The following DLG2 variants were observed in gnomAD, a reference collection of about 807,000 sequenced individuals.
DLG2 encodes the protein discs large MAGUK scaffold protein 2.
DLG2 carries 45 observed loss-of-function variants against 132.5 expected under a neutral mutation model. That is an observed-to-expected ratio of 0.34 (90% CI 0.27 to 0.44). The LOEUF is 0.44. DLG2 is among the 20% of genes least tolerant of loss of function. The pLI, the probability that DLG2 is intolerant of heterozygous loss-of-function variation, is 1.00. For missense variants in DLG2, 1,045 were observed against 1,196.9 expected (o/e 0.87, Z 1.87); for synonymous variants, 424 against 419.6 (o/e 1.01, Z -0.13).
intron 6 of DLG2, among the ~76,000 whole-genome samples, chr11:84,646,105 G>C (rs1389442478): frequency 6.6e-6 from 1 of 152,072 alleles, no homozygotes; most frequent in Non-Finnish European, 1.5e-5. Context: ...CAAAGCTGTG[G>C]GCTCTTAAAA....
intron 3 of DLG2, among the ~76,000 whole-genome samples, chr11:85,572,908 G>A (rs2077927858): frequency 6.6e-6 from 1 of 152,174 alleles, no homozygotes; most frequent in South Asian, 2.1e-4. Context: ...TTGGAGGTAG[G>A]GACTGATGGA....
At chr11:85,322,908 A>G (rs1399644857) in intron 3 of DLG2, among the ~76,000 whole-genome samples, 1 of 152,212 alleles carries the variant, frequency 6.6e-6, no homozygotes, top group African/African-American at 2.4e-5. Context: ...AGAGCCTATG[A>G]TTCCTGTTTC....
At chr11:85,383,713 A>T (rs1480511677) in intron 3 of DLG2, among the ~76,000 whole-genome samples, 1 of 152,182 alleles carries the variant, frequency 6.6e-6, no homozygotes, top group African/African-American at 2.4e-5. Context: ...GATTTTCAGA[A>T]AAAGAATACT....
At chr11:85,482,607 C>G (rs1229619783) in intron 3 of DLG2, among the ~76,000 whole-genome samples, 1 of 152,168 alleles carries the variant, frequency 6.6e-6, no homozygotes, top group Non-Finnish European at 1.5e-5. Context: ...TAAGGCAATA[C>G]CAGCAGGCAC....
intron 15 of DLG2, among the ~76,000 whole-genome samples, chr11:83,923,764 T>G (rs12797749): frequency 0.1 from 15,656 of 152,100 alleles, 874 homozygotes; most frequent in Non-Finnish European, 0.12. Context: ...ATTTCAACCC[T>G]GCTCTATAAT....
intron 15 of DLG2, among the ~76,000 whole-genome samples, chr11:83,901,942 A>G (rs1409421665): frequency 1.3e-5 from 2 of 152,196 alleles, no homozygotes; most frequent in Admixed American, 6.5e-5. Context: ...TGGAAGATAT[A>G]GTAGGTACTC....
At chr11:83,545,811 TC>T (rs2096225884) in intron 19 of DLG2, among the ~76,000 whole-genome samples, 2 of 152,096 alleles carry the variant, frequency 1.3e-5, no homozygotes, top group Non-Finnish European at 2.9e-5. Flanking sequence ...TTCAGACTTG[TC>T]AGGTCCCTAA....
At chr11:84,414,745 T>C (rs950727247) in intron 7 of DLG2, among the ~76,000 whole-genome samples, 5 of 152,232 alleles carry the variant, frequency 3.3e-5, no homozygotes, top group Non-Finnish European at 5.9e-5. Context: ...CTCAGGATGC[T>C]GCTGCAAAGT....
chr11:83,458,181 C>T lies in DLG2; in HGVS notation c.*1637G>A, dbSNP rs2089294340. On this transcript the variant is annotated 3_prime_UTR_variant, in exon 28 of 28. Coordinates refer to ENST00000376104, the MANE Select transcript of DLG2 (RefSeq NM_001142699.3). Reference sequence around the variant, plus strand: ...GGCTTAGTCTGGGCATGCACAGAACCCAGAGTAGAGTGGTTATTATCACTG... The same window carrying T: ...GGCTTAGTCTGGGCATGCACAGAACTCAGAGTAGAGTGGTTATTATCACTG... 6.6e-6 allele frequency: 1 copy of T among 152,502 alleles called. No individual in the cohort carries two copies. The highest frequency in any genetic ancestry group is 1.5e-5 in the Non-Finnish European group (1 of 68,028). 9.4% of individuals were successfully genotyped at this position (152,502 alleles called of 1,614,324 possible). A position where few individuals can be genotyped will look rare whatever the true frequency, so the allele number is the denominator to read the frequency against.
At chr11:85,480,737 T>C (rs1166331017) in intron 3 of DLG2, among the ~76,000 whole-genome samples, 1 of 152,168 alleles carries the variant, frequency 6.6e-6, no homozygotes, top group Non-Finnish European at 1.5e-5. Context: ...AAAAAACAAG[T>C]GAACTGTAAA....
At chr11:84,054,767 C>T (rs1023294405) in intron 11 of DLG2, among the ~76,000 whole-genome samples, 3 of 151,962 alleles carry the variant, frequency 2.0e-5, no homozygotes, top group Admixed American at 1.3e-4. Flanking sequence ...ATTTAATTTG[C>T]CACAAATCAC....
chr11:84,046,168 A>C (rs2096239120), intron 11 of DLG2, among the ~76,000 whole-genome samples: 1 of 151,612 alleles, frequency 6.6e-6, no homozygotes, highest in South Asian at 2.1e-4. Context: ...CTTTGAGGGC[A>C]CACCATGTTT....
intron 21 of DLG2, among the ~76,000 whole-genome samples, chr11:83,531,313 T>A (rs920928494): frequency 1.3e-5 from 2 of 151,860 alleles, no homozygotes; most frequent in Non-Finnish European, 2.9e-5. Flanking sequence ...AACTCAACAA[T>A]AACAAGACAA....
chr11:83,567,624 C>T (rs1431949323), intron 19 of DLG2, among the ~76,000 whole-genome samples: 1 of 152,072 alleles, frequency 6.6e-6, no homozygotes, highest in Admixed American at 6.6e-5. Flanking sequence ...GCAACTAGTG[C>T]TAAAGGCGTA....
chr11:85,166,984 G>A (rs986995148), intron 4 of DLG2, among the ~76,000 whole-genome samples: 3 of 151,872 alleles, frequency 2.0e-5, no homozygotes, highest in Non-Finnish European at 4.4e-5. Flanking sequence ...GTACTCAGTG[G>A]TTTAACTGTT....
intron 10 of DLG2, among the ~76,000 whole-genome samples, chr11:84,097,395 C>T (rs1179833867): frequency 3.3e-5 from 5 of 152,152 alleles, no homozygotes; most frequent in Admixed American, 3.3e-4. Context: ...CCTGCCAAGT[C>T]CCTTCAGCCA....
chr11:84,827,697 A>AAAAAAAAC, intron 6 of DLG2, among the ~76,000 whole-genome samples: 3 of 149,662 alleles, frequency 2.0e-5, no homozygotes, highest in East Asian at 2.0e-4. Flanking sequence ...AAAAAAAAAA[A>AAAAAAAAC]AGCCCAGGTC....
At chr11:84,706,416 C>T (rs2059788098) in intron 6 of DLG2, among the ~76,000 whole-genome samples, 1 of 151,750 alleles carries the variant, frequency 6.6e-6, no homozygotes, top group Admixed American at 6.6e-5. Context: ...CAACTTTAGA[C>T]ATACTGTATA....
intron 3 of DLG2, among the ~76,000 whole-genome samples, chr11:85,535,464 GAT>G (rs2075517991): frequency 6.6e-6 from 1 of 152,020 alleles, no homozygotes; most frequent in African/African-American, 2.4e-5. Flanking sequence ...TGAATGAAGA[GAT>G]ATATTTTTTA....
Sources: gnomAD v4.1 joint callset for allele counts (sites outside exome capture counted in the v4.1 genomes callset) on GRCh38, gnomAD v4.1.1 for gene constraint, MANE v1.5 for transcripts, NCBI Gene and HGNC (gene_info 2026-07-23, HGNC 2026-07-21) for gene names.